TRDMT1: variants seen among roughly 807,000 people sequenced by gnomAD.
The protein encoded by TRDMT1 is tRNA aspartic acid methyltransferase 1.
In TRDMT1, 49 loss-of-function variants were observed where a neutral mutation model predicts 51.2. The observed-to-expected ratio is 0.96, with a 90% CI of 0.76 to 1.21. The LOEUF (loss-of-function observed/expected upper bound fraction) is 1.21, where lower values mean the gene tolerates loss of function less well. TRDMT1 is among the 50% of genes most tolerant of loss of function. The probability of loss-of-function intolerance (pLI) is 0.00; values close to 1 mark genes in which losing one functional copy is unlikely to be tolerated. For synonymous variants in TRDMT1, 187 were observed against 164.6 expected (o/e 1.14, Z -1.04); for missense variants, 534 against 462.3 (o/e 1.16, Z -1.42).
At chr10:17,182,620 A>T (rs1843407692) in intron 1 of TRDMT1, among the ~76,000 whole-genome samples, 2 of 152,174 alleles carry the variant, frequency 1.3e-5, no homozygotes, top group African/African-American at 2.4e-5. Context: ...AGAGTCTTCA[A>T]TTTGGGGAGT....
rs781780731 is a variant in TRDMT1, at chr10:17,144,796, C to T, written c.*4244G>A. On this transcript the variant is annotated 3_prime_UTR_variant, in exon 11 of 11. Coordinates refer to ENST00000377799, the MANE Select transcript of TRDMT1 (RefSeq NM_004412.7). Reference sequence around the variant, plus strand: ...GAGAAACGGAAGCTAGAAACAACAACAACAAAAAATACTTTTTCTTTTTTT... The same window carrying T: ...GAGAAACGGAAGCTAGAAACAACAATAACAAAAAATACTTTTTCTTTTTTT... 1 of 984,150 alleles carries T rather than the reference C, an allele frequency of 1.0e-6. No individual in the cohort carries two copies. Among genetic ancestry groups the T allele is most frequent in the Non-Finnish European group, 1.2e-6 (1 of 829,648 alleles). 61.0% of individuals were successfully genotyped at this position (984,150 alleles called of 1,614,324 possible). A position where few individuals can be genotyped will look rare whatever the true frequency, so the allele number is the denominator to read the frequency against.
intron 1 of TRDMT1, among the ~76,000 whole-genome samples, chr10:17,196,221 C>T (rs1435820042): frequency 6.6e-6 from 1 of 152,206 alleles, no homozygotes; most frequent in East Asian, 1.9e-4. Flanking sequence ...GTAATTCTTA[C>T]TAAACACAAT....
Position 17,154,684 on chromosome 10 carries a change from T to C in TRDMT1, c.938A>G (p.Asp313Gly). The change falls in exon 9 of 11, where the codon GAT becomes GGT. Residue 313 changes from aspartate to glycine, a missense_variant. Coordinates refer to ENST00000377799, the MANE Select transcript of TRDMT1 (RefSeq NM_004412.7). ...TTAAAACATGCATAGTACCTGCACA[T>C]CCTCTGCAGTCTGTAACACAGACCC... is the stretch of plus-strand genomic sequence containing the variant. Reference protein sequence around the residue: ...GTGSVLQTAEDVQVENIYKSL... With the variant: ...GTGSVLQTAEGVQVENIYKSL... 1.3e-6 allele frequency: 2 copies of C among 1,599,958 alleles called. No homozygotes were observed. The highest frequency in any genetic ancestry group is 1.7e-6 in the Non-Finnish European group (2 of 1,174,190).
intron 1 of TRDMT1, among the ~76,000 whole-genome samples, chr10:17,181,037 T>C (rs1843221360): frequency 1.3e-5 from 2 of 152,164 alleles, no homozygotes; most frequent in Admixed American, 1.3e-4. Flanking sequence ...TATCCCAACA[T>C]TTATTTCTTC....
rs1397322076 is a variant in TRDMT1 at position 17,147,302 on chromosome 10, T to C, written c.*1738A>G. 21 of 985,546 alleles carry C rather than the reference T, an allele frequency of 2.1e-5. No individual in the cohort carries two copies. The highest frequency in any genetic ancestry group is 2.2e-5 in the Non-Finnish European group (18 of 829,916). The allele number at this position is 985,546 out of a possible 1,614,324, so 61.1% of individuals were successfully genotyped here. A position where few individuals can be genotyped will look rare whatever the true frequency, so the allele number is the denominator to read the frequency against. On this transcript the variant is annotated 3_prime_UTR_variant, in exon 11 of 11. Coordinates refer to ENST00000377799, the MANE Select transcript of TRDMT1 (RefSeq NM_004412.7). The stretch of plus-strand genomic sequence containing the variant: ...GAAAAATGTAGATAGTGATAGTTTC[T>C]GTATATGGGCTGGCTTACAGCTTCC...
chr10:17,139,775 G>A lies in TRDMT1; in HGVS notation c.*9265C>T, dbSNP rs907290534. 2.0e-5 allele frequency among the ~76,000 whole-genome samples: 3 copies of A among 152,118 alleles called. No homozygotes were observed. Among genetic ancestry groups the A allele is most frequent in the African/African-American group, 7.2e-5 (3 of 41,426 alleles). On this transcript the variant is annotated 3_prime_UTR_variant, in exon 11 of 11. Coordinates refer to ENST00000377799, the MANE Select transcript of TRDMT1 (RefSeq NM_004412.7). ...GAAGTGCCACATAGATCTGTGGGAA[G>A]ATTTAAGGTGTTGTCATCAATGGCA...
In TRDMT1 at chr10:17,141,252, C is replaced by T. The variant is rs1837659139; in HGVS notation, c.*7788G>A. Reference sequence around the variant, plus strand: ...ATCTCAGCTCACTGCAGTCTCCGCTCCTGGGTTCAAGCCATTCCCCTGCCT... The same window carrying T: ...ATCTCAGCTCACTGCAGTCTCCGCTTCTGGGTTCAAGCCATTCCCCTGCCT... On this transcript the variant is annotated 3_prime_UTR_variant, in exon 11 of 11. Coordinates refer to ENST00000377799, the MANE Select transcript of TRDMT1 (RefSeq NM_004412.7). Among the ~76,000 whole-genome samples the T allele has an allele frequency of 6.6e-6, 1 of 152,196 alleles. No individual in the cohort carries two copies. Among genetic ancestry groups the T allele is most frequent in the Admixed American group, 6.5e-5 (1 of 15,282 alleles).
rs1837851060 is a variant in TRDMT1, at chr10:17,143,501, T to C, written c.*5539A>G. On this transcript the variant is annotated 3_prime_UTR_variant, in exon 11 of 11. Transcript: ENST00000377799. ...AGTGTTTTCAGTCATTTTTTTCACATGTGAAATTTAACTGGACTTGTGTAA... is the reference window on the plus strand; with the variant it reads ...AGTGTTTTCAGTCATTTTTTTCACACGTGAAATTTAACTGGACTTGTGTAA... The C allele has an allele frequency of 1.0e-6, 1 of 985,342 alleles. No individual in the cohort carries two copies. The highest frequency in any genetic ancestry group is 1.2e-6 in the Non-Finnish European group (1 of 829,944). The allele number at this position is 985,342 out of a possible 1,614,324, so 61.0% of individuals were successfully genotyped here.
chr10:17,149,094 T>C lies in TRDMT1; in HGVS notation c.1122A>G (p.Gly374=). 1.2e-6 allele frequency: 2 copies of C among 1,611,824 alleles called. No homozygotes were observed. Among genetic ancestry groups the C allele is most frequent in the Non-Finnish European group, 1.7e-6 (2 of 1,179,266 alleles). ...CTACTACATGCACGTTGAGACTATT[T>C]CCAAGTAGGCGATAACGCTGTTTCA... ...ITVKQRYRLL[G]NSLNVHVVAK... is the part of the protein sequence containing the mutation. Residue 374 remains glycine, a synonymous_variant, in exon 11 of 11, where the codon GGA becomes GGG. Coordinates refer to ENST00000377799, the MANE Select transcript of TRDMT1 (RefSeq NM_004412.7).
chr10:17,185,065 A>T (rs1214065651), intron 1 of TRDMT1, among the ~76,000 whole-genome samples: 2 of 152,176 alleles, frequency 1.3e-5, no homozygotes, highest in African/African-American at 4.8e-5. Flanking sequence ...GAGGATAATA[A>T]AGTACCCGCA....
rs1305244019 is a variant in TRDMT1 at position 17,144,313 on chromosome 10, T to C, written c.*4727A>G. The C allele has an allele frequency of 1.0e-6, 1 of 985,296 alleles. No homozygotes were observed. Among genetic ancestry groups the C allele is most frequent in the Non-Finnish European group, 1.2e-6 (1 of 829,922 alleles). The allele number at this position is 985,296 out of a possible 1,614,324, so 61.0% of individuals were successfully genotyped here. A position where few individuals can be genotyped will look rare whatever the true frequency, so the allele number is the denominator to read the frequency against. On this transcript the variant is annotated 3_prime_UTR_variant, in exon 11 of 11. Coordinates refer to ENST00000377799, the MANE Select transcript of TRDMT1 (RefSeq NM_004412.7). ...AATAGAAATCAAAATGCAAACAAAA[T>C]ACAGAGCAAATATTTGAAGTAAACA...
chr10:17,162,263 CAA>C (rs74261044), intron 3 of TRDMT1, 26 bp from the exon 4 acceptor site: 5 of 967,336 alleles, frequency 5.2e-6, no homozygotes, highest in Non-Finnish European at 7.2e-6. Context: ...AAAAAAAAAA[CAA>C]AAAAAAACAC....
chr10:17,201,282 C>G (rs1485837272), intron 1 of TRDMT1: 1 of 400,976 alleles, frequency 2.5e-6, no homozygotes, highest in African/African-American at 2.1e-5. Flanking sequence ...CTTTGATACC[C>G]TTTGAGGTTG....
intron 2 of TRDMT1, chr10:17,171,503 G>GTT (rs1297498382): frequency 6.6e-6 from 1 of 152,266 alleles, no homozygotes; most frequent in African/African-American, 2.4e-5. Flanking sequence ...TAACACCACT[G>GTT]TAAGTGAGTG....
intron 1 of TRDMT1, chr10:17,201,211 C>CA (rs1846111042): frequency 8.7e-6 from 2 of 229,460 alleles, no homozygotes; most frequent in African/African-American, 4.6e-5. Context: ...ACCGAGTCTC[C>CA]ATGCTTCTCG....
chr10:17,144,120 G>T lies in TRDMT1; in HGVS notation c.*4920C>A. Reference sequence around the variant, plus strand: ...GAAGGGTAGAAAGAGACCTGAGGACGGAACCTTCAGATAAGTCAGCTCCAA... The same window carrying T: ...GAAGGGTAGAAAGAGACCTGAGGACTGAACCTTCAGATAAGTCAGCTCCAA... On this transcript the variant is annotated 3_prime_UTR_variant, in exon 11 of 11. Transcript: ENST00000377799. 1.0e-6 allele frequency: 1 copy of T among 985,312 alleles called. No individual in the cohort carries two copies. Among genetic ancestry groups the T allele is most frequent in the Non-Finnish European group, 1.2e-6 (1 of 829,906 alleles). 61.0% of individuals were successfully genotyped at this position (985,312 alleles called of 1,614,324 possible). A position where few individuals can be genotyped will look rare whatever the true frequency, so the allele number is the denominator to read the frequency against.
In TRDMT1 at chr10:17,148,137, AAG is replaced by A. The variant is rs1386443677; in HGVS notation, c.*901_*902del. 1 of 985,310 alleles carries A rather than the reference AAG, an allele frequency of 1.0e-6. No homozygotes were observed. Among genetic ancestry groups the A allele is most frequent in the Non-Finnish European group, 1.2e-6 (1 of 829,944 alleles). The allele number at this position is 985,310 out of a possible 1,614,324, so 61.0% of individuals were successfully genotyped here. Reference sequence around the variant, plus strand: ...CCTAATTCCAAGAGGTCTGCTGAGGAAGAGAGACAGAGAAAGTTAAAAGTCAT... The same window carrying A: ...CCTAATTCCAAGAGGTCTGCTGAGGAAGAGACAGAGAAAGTTAAAAGTCAT... On this transcript the variant is annotated 3_prime_UTR_variant, in exon 11 of 11. Coordinates refer to ENST00000377799, the MANE Select transcript of TRDMT1 (RefSeq NM_004412.7).
Position 17,145,427 on chromosome 10 carries a change from T to C in TRDMT1, c.*3613A>G. 1.0e-6 allele frequency: 1 copy of C among 985,382 alleles called. No individual in the cohort carries two copies. The highest frequency in any genetic ancestry group is 1.2e-6 in the Non-Finnish European group (1 of 829,930). The allele number at this position is 985,382 out of a possible 1,614,324, so 61.0% of individuals were successfully genotyped here. Reference sequence around the variant, plus strand: ...ATGGTAGATGGAAGAGATTAACTAGTAGACAGAGGTCCAAAGGCCATGTCT... The same window carrying C: ...ATGGTAGATGGAAGAGATTAACTAGCAGACAGAGGTCCAAAGGCCATGTCT... On this transcript the variant is annotated 3_prime_UTR_variant, in exon 11 of 11. Coordinates refer to ENST00000377799, the MANE Select transcript of TRDMT1 (RefSeq NM_004412.7).
rs1588671834 is a variant in TRDMT1, at chr10:17,140,252, T to A, written c.*8788A>T. 7.0e-6 allele frequency among the ~76,000 whole-genome samples: 1 copy of A among 141,942 alleles called. No homozygotes were observed. Among genetic ancestry groups the A allele is most frequent in the South Asian group, 2.3e-4 (1 of 4,406 alleles). 93.1% of individuals were successfully genotyped at this position (141,942 alleles called of 152,430 possible). Reference sequence around the variant, plus strand: ...TTTTGTACCTTTAGTAGAGATAGGGTTTTATCATGGCCAGGCTGGTCTTGA... The same window carrying A: ...TTTTGTACCTTTAGTAGAGATAGGGATTTATCATGGCCAGGCTGGTCTTGA... On this transcript the variant is annotated 3_prime_UTR_variant, in exon 11 of 11. Transcript: ENST00000377799.
Sources: gnomAD v4.1 joint callset for allele counts (sites outside exome capture counted in the v4.1 genomes callset) on GRCh38, gnomAD v4.1.1 for gene constraint, MANE v1.5 for transcripts, NCBI Gene and HGNC (gene_info 2026-07-23, HGNC 2026-07-21) for gene names.